The following FXN variants were observed in gnomAD, a reference collection of about 807,000 sequenced individuals.
FXN encodes the protein frataxin, mitochondrial.
FXN carries 14 observed loss-of-function variants against 22.4 expected under a neutral mutation model. The observed-to-expected ratio is 0.62, with a 90% CI of 0.41 to 0.98. The LOEUF (loss-of-function observed/expected upper bound fraction) is 0.98, where lower values mean the gene tolerates loss of function less well. FXN is among the 50% of genes least tolerant of loss of function. The probability of loss-of-function intolerance (pLI) is 0.00; values close to 1 mark genes in which losing one functional copy is unlikely to be tolerated. For missense variants in FXN, 267 were observed against 268.4 expected, an observed-to-expected ratio of 0.99 and a Z score of 0.04; for synonymous variants, 120 against 114.1, an observed-to-expected ratio of 1.05 and a Z score of -0.33.
At position 69,063,077 on chromosome 9, in the gene FXN, C is replaced by T. The variant is rs532830645; in HGVS notation, c.385-1861C>T. On this transcript the variant is annotated intron_variant, in intron 3 of 4. Coordinates refer to ENST00000484259, the MANE Select transcript of FXN (RefSeq NM_000144.5). ...ATTAGACAGGTGTGGTGTCTGTAGT[C>T]CCAGCTCTCTGGAGGCAGGGACTGA... Among the ~76,000 whole-genome samples the T allele has an allele frequency of 5.9e-5, 9 of 152,052 alleles. No individual in the cohort carries two copies. The East Asian group carries it at 1.7e-3, about 29-fold the overall frequency.
chr9:69,071,237 T>G, intron 4 of FXN: 1 of 519,038 alleles, frequency 1.9e-6, no homozygotes, highest in Non-Finnish European at 3.8e-6. Context: ...GGTTTATTAG[T>G]CCTTTTCCTG....
rs200232902 is a variant in FXN at position 69,072,666 on chromosome 9, C to T, written c.537C>T (p.Gly179=). ...TGKNWVYSHD[G]VSLHELLAAE... is the part of the protein sequence containing the mutation. ...AAAACTGGGTGTACTCCCACGACGG[C>T]GTGTCCCTCCATGAGCTGCTGGCCG... Residue 179 remains glycine (G), a synonymous_variant, in exon 5 of 5, where the codon GGC becomes GGT. Coordinates refer to ENST00000484259, the MANE Select transcript of FXN (RefSeq NM_000144.5). 2.2e-5 allele frequency: 35 copies of T among 1,614,056 alleles called. No homozygotes were observed. The highest frequency in any genetic ancestry group is 7.7e-5 in the South Asian group (7 of 91,086).
rs574800040 is a variant in FXN, at chr9:69,035,969, A to AGCCGCGGGCCGCAC, written c.165+42_165+55dup. The AGCCGCGGGCCGCAC allele has an allele frequency of 2.6e-4, 378 of 1,428,410 alleles. 2 individuals are homozygous for AGCCGCGGGCCGCAC. Among genetic ancestry groups the AGCCGCGGGCCGCAC allele is most frequent in the Middle Eastern group, 1.3e-3 (5 of 3,968 alleles). 88.5% of individuals were successfully genotyped at this position (1,428,410 alleles called of 1,614,324 possible). A position where few individuals can be genotyped will look rare whatever the true frequency, so the allele number is the denominator to read the frequency against. ...CGCAGTAAGTATCCGCGCCGGGAAC[A>AGCCGCGGGCCGCAC]GCCGCGGGCCGCACGCCGCGGGCCG... On this transcript the variant is annotated intron_variant, in intron 1 of 4. Transcript: ENST00000484259.
rs546909054 is a variant in FXN, at chr9:69,038,822, A to G, written c.165+2875A>G. The stretch of plus-strand genomic sequence containing the variant: ...AAAAATCAGTAATAAGATATCTTGC[A>G]TACTCTTTTCGTACTCATATACTTC... On this transcript the variant is annotated intron_variant, in intron 1 of 4. Transcript: ENST00000484259. Among the ~76,000 whole-genome samples the G allele has an allele frequency of 2.6e-5, 4 of 152,326 alleles. No homozygotes were observed. In the South Asian group the frequency reaches 8.3e-4, roughly 32 times the overall value.
intron 3 of FXN, among the ~76,000 whole-genome samples, chr9:69,057,783 C>T (rs972806825): frequency 6.6e-6 from 1 of 151,930 alleles, no homozygotes; most frequent in African/African-American, 2.4e-5. Context: ...CTAGATACTC[C>T]AAGCAGACAC....
rs899434503 is a variant in FXN at position 69,076,390 on chromosome 9, G to A, written c.*3628G>A. ...GGACTTCTCCCAAAATATGGATGACGTTCCCTACTCAACCTTGAACTTAAT... is the reference window on the plus strand; with the variant it reads ...GGACTTCTCCCAAAATATGGATGACATTCCCTACTCAACCTTGAACTTAAT... On this transcript the variant is annotated 3_prime_UTR_variant, in exon 5 of 5. Coordinates refer to ENST00000484259, the MANE Select transcript of FXN (RefSeq NM_000144.5). The A allele has an allele frequency of 6.1e-6, 6 of 985,084 alleles. No homozygotes were observed. Among genetic ancestry groups the A allele is most frequent in the East Asian group, 1.1e-4 (1 of 8,834 alleles). 61.0% of individuals were successfully genotyped at this position (985,084 alleles called of 1,614,324 possible). A position where few individuals can be genotyped will look rare whatever the true frequency, so the allele number is the denominator to read the frequency against.
chr9:69,047,333 A>G lies in FXN; in HGVS notation c.263+851A>G, dbSNP rs975643250. The stretch of plus-strand genomic sequence containing the variant: ...GGCTTCTTCTGATCTACACACAGAC[A>G]CAGACACACACACACAGACACACAC... On this transcript the variant is annotated intron_variant, in intron 2 of 4. Transcript: ENST00000484259. Among the ~76,000 whole-genome samples the G allele has an allele frequency of 4.0e-5, 6 of 150,326 alleles. No individual in the cohort carries two copies. The South Asian group carries it at 1.1e-3, about 26-fold the overall frequency.
intron 2 of FXN, among the ~76,000 whole-genome samples, chr9:69,047,555 C>G (rs144615720): frequency 6.0e-4 from 91 of 152,274 alleles, no homozygotes; most frequent in African/African-American, 2.1e-3. Flanking sequence ...TCCTCCTTGT[C>G]TGTTATTTTC....
At chr9:69,053,339 C>A in intron 3 of FXN, 79 bp downstream of exon 3, 2 of 1,484,904 alleles carry the variant, frequency 1.3e-6, no homozygotes, top group Non-Finnish European at 1.9e-6. Context: ...TTCCCTCCAG[C>A]AGAGCTAAGC....
chr9:69,054,169 T>G (rs2133112305), intron 3 of FXN, among the ~76,000 whole-genome samples: 1 of 152,082 alleles, frequency 6.6e-6, no homozygotes, highest in South Asian at 2.1e-4. Context: ...CCCAGCTAAT[T>G]TTTGCATTTT....
At chr9:69,047,583 C>T (rs974495300) in intron 2 of FXN, among the ~76,000 whole-genome samples, 9 of 152,326 alleles carry the variant, frequency 5.9e-5, no homozygotes, top group Non-Finnish European at 1.3e-4. Context: ...ACAAGGCAGG[C>T]AGGCAGTGGG....
In FXN at chr9:69,046,200, G is replaced by A. The variant is rs1800652; in HGVS notation, c.166-185G>A. 0.24 allele frequency among the ~76,000 whole-genome samples: 37,118 copies of A among 152,104 alleles called. 4,690 individuals are homozygous for A. Among genetic ancestry groups the A allele is most frequent in the South Asian group, 0.34 (1,635 of 4,820 alleles). On this transcript the variant is annotated intron_variant, in intron 1 of 4. Coordinates refer to ENST00000484259, the MANE Select transcript of FXN (RefSeq NM_000144.5). The stretch of plus-strand genomic sequence containing the variant: ...GGGCTAAGTAGGAAACCGGGAACCA[G>A]GGGAGAGGAGAAGAGAAGAGAGGAT...
chr9:69,060,164 C>T (rs59987304), intron 3 of FXN, among the ~76,000 whole-genome samples: 19 of 152,168 alleles, frequency 1.2e-4, no homozygotes, highest in African/African-American at 2.6e-4. Flanking sequence ...GTCAGGAGAT[C>T]GAGACCATTC....
rs1246573464 is a variant in FXN at position 69,035,960 on chromosome 9, G to C, written c.165+13G>C. 6 of 1,453,262 alleles carry C rather than the reference G, an allele frequency of 4.1e-6. No homozygotes were observed. The highest frequency in any genetic ancestry group is 5.4e-6 in the Non-Finnish European group (6 of 1,106,880). The allele number at this position is 1,453,262 out of a possible 1,614,324, so 90.0% of individuals were successfully genotyped here. ...GCCCCGCCGCGCAGTAAGTATCCGCGCCGGGAACAGCCGCGGGCCGCACGC... is the reference window on the plus strand; with the variant it reads ...GCCCCGCCGCGCAGTAAGTATCCGCCCCGGGAACAGCCGCGGGCCGCACGC... On this transcript the variant is annotated intron_variant, in intron 1 of 4. Transcript: ENST00000484259.
In FXN at chr9:69,076,087, A is replaced by G. The variant is rs954295316; in HGVS notation, c.*3325A>G. On this transcript the variant is annotated 3_prime_UTR_variant, in exon 5 of 5. Transcript: ENST00000484259. ...AAAATAAAATGTTCTGGCATGACTT[A>G]TTTAGCTCTCTGGAATTACAAAGAA... is the stretch of plus-strand genomic sequence containing the variant. The G allele has an allele frequency of 1.2e-4, 123 of 984,700 alleles. No homozygotes were observed. Among genetic ancestry groups the G allele is most frequent in the Non-Finnish European group, 1.4e-4 (114 of 829,380 alleles). 61.0% of individuals were successfully genotyped at this position (984,700 alleles called of 1,614,324 possible).
At chr9:69,043,806 A>G (rs1587816671) in intron 1 of FXN, among the ~76,000 whole-genome samples, 1 of 151,556 alleles carries the variant, frequency 6.6e-6, no homozygotes, top group Non-Finnish European at 1.5e-5. Flanking sequence ...CTAGTCTTGA[A>G]CTCCTGACCT....
chr9:69,078,322 C>G lies in FXN; in HGVS notation c.*5560C>G. 1.0e-6 allele frequency: 1 copy of G among 985,534 alleles called. No homozygotes were observed. The highest frequency in any genetic ancestry group is 1.1e-4 in the East Asian group (1 of 8,816). The allele number at this position is 985,534 out of a possible 1,614,324, so 61.0% of individuals were successfully genotyped here. ...GGGATTCCTCTTGCCAGTCCATCAG[C>G]AGTTCCCCTTGAAAGTTTCACCAAA... On this transcript the variant is annotated 3_prime_UTR_variant, in exon 5 of 5. Transcript: ENST00000484259.
intron 3 of FXN, among the ~76,000 whole-genome samples, chr9:69,057,164 G>A (rs953879201): frequency 6.6e-5 from 10 of 152,180 alleles, no homozygotes; most frequent in African/African-American, 2.4e-4. Flanking sequence ...AGTCCTGTTT[G>A]AACTCCTTTC....
At chr9:69,070,205 G>A (rs1832249203) in intron 4 of FXN, among the ~76,000 whole-genome samples, 1 of 151,664 alleles carries the variant, frequency 6.6e-6, no homozygotes, top group Non-Finnish European at 1.5e-5. Flanking sequence ...CTCCAGCCTG[G>A]GTGACACAGT....
Sources: gnomAD v4.1 joint callset for allele counts (sites outside exome capture counted in the v4.1 genomes callset) on GRCh38, gnomAD v4.1.1 for gene constraint, MANE v1.5 for transcripts, NCBI Gene and HGNC (gene_info 2026-07-23, HGNC 2026-07-21) for gene names.